Variants in CCDC146 observed in about 807,000 individuals in gnomAD.
CCDC146 encodes coiled-coil domain-containing protein 146.
In CCDC146, 92 loss-of-function variants were observed where a neutral mutation model predicts 119.3. The observed-to-expected ratio is 0.77, with a 90% CI of 0.65 to 0.92. CCDC146 has a LOEUF of 0.92. Among genes scored for constraint, CCDC146 ranks in the 40% least tolerant of loss-of-function variants. The pLI is 0.00. For synonymous variants in CCDC146, 372 were observed against 371.8 expected (o/e 1.00, Z -0.01); for missense variants, 1,000 against 1,103.0 (o/e 0.91, Z 1.32).
intron 9 of CCDC146, among the ~76,000 whole-genome samples, chr7:77,271,540 A>T (rs1272623858): frequency 3.7e-5 from 3 of 80,598 alleles, no homozygotes; most frequent in African/African-American, 1.5e-4. Context: ...ATATATATAT[A>T]TATATATATA....
chr7:77,271,492 T>C (rs1226582177), intron 9 of CCDC146, among the ~76,000 whole-genome samples: 27 of 139,074 alleles, frequency 1.9e-4, no homozygotes, highest in African/African-American at 6.9e-4. Flanking sequence ...TATATATATA[T>C]ATACACACAC....
chr7:77,191,920 AAAT>A (rs1183797879), intron 2 of CCDC146, among the ~76,000 whole-genome samples: 5 of 151,882 alleles, frequency 3.3e-5, no homozygotes, highest in Admixed American at 2.6e-4. Context: ...AAAAAATAAA[AAAT>A]AATAATAACT....
chr7:77,135,156 A>G (rs1444949394), intron 1 of CCDC146, among the ~76,000 whole-genome samples: 1 of 152,176 alleles, frequency 6.6e-6, no homozygotes, highest in African/African-American at 2.4e-5. Flanking sequence ...GCCCGCATTT[A>G]TTTCAGTTTG....
At chr7:77,251,652 A>G (rs1793063364) in intron 4 of CCDC146, among the ~76,000 whole-genome samples, 1 of 152,188 alleles carries the variant, frequency 6.6e-6, no homozygotes, top group African/African-American at 2.4e-5. Context: ...ATTAGGTCTC[A>G]GTAGCAGAGG....
rs1345349881 is a variant in CCDC146, at chr7:77,196,211, T to C, written c.156+28387T>C. The C allele has an allele frequency of 4.3e-6, 5 of 1,162,500 alleles. No homozygotes were observed. The highest frequency in any genetic ancestry group is 2.0e-4 in the Middle Eastern group (1 of 5,018). The allele number at this position is 1,162,500 out of a possible 1,614,324, so 72.0% of individuals were successfully genotyped here. On this transcript the variant is annotated intron_variant, in intron 2 of 18. Transcript: ENST00000285871. The surrounding 1 kb of genome is among the most constrained non-coding windows in gnomAD (Gnocchi z 4.2). ...TATGAAAAATATGAAACAAGGCATATTCTAAAGTGCTGAAGGAATTAATTG... is the reference window on the plus strand; with the variant it reads ...TATGAAAAATATGAAACAAGGCATACTCTAAAGTGCTGAAGGAATTAATTG...
At chr7:77,260,455 A>T (rs1793271412) in intron 8 of CCDC146, among the ~76,000 whole-genome samples, 1 of 152,224 alleles carries the variant, frequency 6.6e-6, no homozygotes, top group Admixed American at 6.5e-5. Flanking sequence ...TTTTCAGGAT[A>T]TAATCTGTTG....
chr7:77,208,851 G>T (rs1006353503), intron 2 of CCDC146, among the ~76,000 whole-genome samples: 1 of 152,112 alleles, frequency 6.6e-6, no homozygotes, highest in Admixed American at 6.5e-5. Context: ...GGCACTGCAG[G>T]CATATGCTAC....
rs754044853 is a variant in CCDC146, at chr7:77,196,471, ACTGTAGTACAGCC to A, written c.156+28649_156+28661del. 5 of 1,614,036 alleles carry A rather than the reference ACTGTAGTACAGCC, an allele frequency of 3.1e-6. No individual in the cohort carries two copies. In the African/African-American group the frequency reaches 6.7e-5, roughly 22 times the overall value. On this transcript the variant is annotated intron_variant, in intron 2 of 18. Coordinates refer to ENST00000285871, the MANE Select transcript of CCDC146 (RefSeq NM_020879.3). The surrounding 1 kb of genome is among the most constrained non-coding windows in gnomAD (Gnocchi z 4.2). ...GACATGCATCAAACCACCAGCCTGA[ACTGTAGTACAGCC>A]CACAGTTCCCAGAAGGATATCGATC...
chr7:77,142,534 A>C (rs1231712149), intron 1 of CCDC146, among the ~76,000 whole-genome samples: 1 of 151,870 alleles, frequency 6.6e-6, no homozygotes. Context: ...CATTTACATT[A>C]GGTATATCTC....
intron 15 of CCDC146, among the ~76,000 whole-genome samples, chr7:77,285,360 T>C (rs1793830122): frequency 6.6e-6 from 1 of 152,218 alleles, no homozygotes; most frequent in South Asian, 2.1e-4. Flanking sequence ...TACATATGTA[T>C]GTACACTTCA....
intron 2 of CCDC146, among the ~76,000 whole-genome samples, chr7:77,211,069 A>ATATCTATAAATGTATAATT (rs1197630303): frequency 2.0e-5 from 3 of 152,224 alleles, no homozygotes; most frequent in African/African-American, 7.2e-5. Context: ...AGTATATTAG[A>ATATCTATAAATGTATAATT]TATACATTAG....
chr7:77,285,982 G>C (rs763826790), intron 15 of CCDC146, among the ~76,000 whole-genome samples: 15 of 152,356 alleles, frequency 9.8e-5, no homozygotes, highest in Middle Eastern at 3.4e-3. Context: ...TGTGTTGTAT[G>C]TGAGTTACCC....
In CCDC146 at chr7:77,278,927, A is replaced by G; in HGVS notation, c.1530-10A>G. On this transcript the variant is annotated splice_polypyrimidine_tract_variant and intron_variant, in intron 12 of 18. Coordinates refer to ENST00000285871, the MANE Select transcript of CCDC146 (RefSeq NM_020879.3). ...TCATAAGTTTCAGTAAACACTTTGT[A>G]TTTTTACAGACTGAGAGAGTTTGCT... The G allele has an allele frequency of 2.5e-6, 4 of 1,607,480 alleles. No homozygotes were observed. Among genetic ancestry groups the G allele is most frequent in the Non-Finnish European group, 3.4e-6 (4 of 1,177,766 alleles).
chr7:77,252,619 G>A (rs1793097109), intron 4 of CCDC146, among the ~76,000 whole-genome samples: 1 of 152,136 alleles, frequency 6.6e-6, no homozygotes, highest in African/African-American at 2.4e-5. Context: ...AAAATTTGGA[G>A]CTCCAGGGAA....
At chr7:77,170,123 C>G (rs947426841) in intron 2 of CCDC146, among the ~76,000 whole-genome samples, 60 of 152,196 alleles carry the variant, frequency 3.9e-4, no homozygotes, top group Admixed American at 1.2e-3. Context: ...CCCACACTCC[C>G]CTTCCTCCCT....
At position 77,196,347 on chromosome 7, in the gene CCDC146, G is replaced by C. The variant is rs769386251; in HGVS notation, c.156+28523G>C. 39 of 1,614,040 alleles carry C rather than the reference G, an allele frequency of 2.4e-5. No homozygotes were observed. In the South Asian group the frequency reaches 4.1e-4, roughly 17 times the overall value. ...TTGAAGGAGGACTTGTAGCCACCAG[G>C]GTGTGCCTCACTTACACCAGGCCAG... is the stretch of plus-strand genomic sequence containing the variant. On this transcript the variant is annotated intron_variant, in intron 2 of 18. Coordinates refer to ENST00000285871, the MANE Select transcript of CCDC146 (RefSeq NM_020879.3). This position sits in a 1 kb window ranked among gnomAD's most constrained non-coding sequence, Gnocchi z 4.2.
Position 77,196,562 on chromosome 7 carries a change from T to C in CCDC146, c.156+28738T>C. On this transcript the variant is annotated intron_variant, in intron 2 of 18. Transcript: ENST00000285871. The surrounding 1 kb of genome is among the most constrained non-coding windows in gnomAD (Gnocchi z 4.2). Reference sequence around the variant, plus strand: ...CTTCAGATCGTGGTTGTAATGTTTGTTGAAACGTAATGCATCTCCAGCTGT... The same window carrying C: ...CTTCAGATCGTGGTTGTAATGTTTGCTGAAACGTAATGCATCTCCAGCTGT... The C allele has an allele frequency of 1.2e-6, 2 of 1,614,232 alleles. No individual in the cohort carries two copies. Among genetic ancestry groups the C allele is most frequent in the Non-Finnish European group, 1.7e-6 (2 of 1,180,034 alleles).
chr7:77,163,860 C>CT lies in CCDC146; in HGVS notation c.-11-3781dup, dbSNP rs530810388. 9.0e-3 allele frequency among the ~76,000 whole-genome samples: 988 copies of CT among 110,006 alleles called. 14 individuals carry two copies. The highest frequency in any genetic ancestry group is 0.011 in the South Asian group (41 of 3,644). 72.2% of individuals were successfully genotyped at this position (110,006 alleles called of 152,430 possible). A position where few individuals can be genotyped will look rare whatever the true frequency, so the allele number is the denominator to read the frequency against. ...TTTTCTTTCTTTCTTTCTTTTTTTT[C>CT]TTTTTTTTTTTTTTTTTGAGACAGA... On this transcript the variant is annotated intron_variant, in intron 1 of 18. Transcript: ENST00000285871.
At chr7:77,239,984 A>C (rs1178223768) in intron 3 of CCDC146, among the ~76,000 whole-genome samples, 1 of 152,160 alleles carries the variant, frequency 6.6e-6, no homozygotes, top group Non-Finnish European at 1.5e-5. Flanking sequence ...GAAATCTGTA[A>C]ATTTATTTAT....
Sources: allele counts gnomAD v4.1 joint callset (sites outside exome capture counted in the v4.1 genomes callset), GRCh38; gene constraint gnomAD v4.1.1; non-coding constraint Gnocchi (gnomAD v3.1); transcripts MANE v1.5; gene names NCBI Gene and HGNC (gene_info 2026-07-23, HGNC 2026-07-21).